Variants in RABGAP1L observed in about 807,000 individuals in gnomAD.
The protein encoded by RABGAP1L is rab GTPase-activating protein 1-like.
RABGAP1L carries 63 observed loss-of-function variants against 137.7 expected under a neutral mutation model. That is an observed-to-expected ratio of 0.46 (90% CI 0.37 to 0.56). The LOEUF is 0.56. Ranked by LOEUF, RABGAP1L falls within the 20% of genes least tolerant of loss-of-function variation. The pLI, the probability that RABGAP1L is intolerant of heterozygous loss-of-function variation, is 0.00. For synonymous variants in RABGAP1L, 431 were observed against 433.7 expected (o/e 0.99, Z 0.08); for missense variants, 1,095 against 1,244.0 (o/e 0.88, Z 1.80).
chr1:174,272,770 C>T (rs1259500248), intron 8 of RABGAP1L, among the ~76,000 whole-genome samples: 1 of 151,920 alleles, frequency 6.6e-6, no homozygotes, highest in Non-Finnish European at 1.5e-5. Context: ...CCTGTAGTAA[C>T]AAGTACATGA....
intron 13 of RABGAP1L, among the ~76,000 whole-genome samples, chr1:174,446,367 G>A (rs1654767255): frequency 6.6e-6 from 1 of 152,176 alleles, no homozygotes; most frequent in Non-Finnish European, 1.5e-5. Context: ...TGACTTGGTG[G>A]TGCACCAGAA....
In RABGAP1L at chr1:174,993,273, G is replaced by GT. The variant is rs775794408; in HGVS notation, c.*3273dup. 6.6e-6 allele frequency: 1 copy of GT among 152,174 alleles called. No individual in the cohort carries two copies. The highest frequency in any genetic ancestry group is 1.5e-5 in the Non-Finnish European group (1 of 68,032). The allele number at this position is 152,174 out of a possible 1,614,324, so 9.4% of individuals were successfully genotyped here. A position where few individuals can be genotyped will look rare whatever the true frequency, so the allele number is the denominator to read the frequency against. ...CACTAATAGGAATGCCATTCAACCA[G>GT]TGTCTTCTGCCCCTCTCCCAGCTGT... On this transcript the variant is annotated 3_prime_UTR_variant, in exon 26 of 26. Coordinates refer to ENST00000681986, the MANE Select transcript of RABGAP1L (RefSeq NM_001366446.1).
chr1:174,901,618 G>A (rs1658152237), intron 19 of RABGAP1L, among the ~76,000 whole-genome samples: 1 of 152,124 alleles, frequency 6.6e-6, no homozygotes. Context: ...GTTACAACAT[G>A]CTCCTTTAGC....
chr1:174,383,614 T>C (rs1686427312), intron 12 of RABGAP1L, among the ~76,000 whole-genome samples: 1 of 152,146 alleles, frequency 6.6e-6, no homozygotes, highest in Admixed American at 6.5e-5. Flanking sequence ...CCCTTGCGCT[T>C]CCCAAGTGAG....
chr1:174,907,139 A>C (rs993264741), intron 19 of RABGAP1L, among the ~76,000 whole-genome samples: 4 of 152,212 alleles, frequency 2.6e-5, no homozygotes, highest in Non-Finnish European at 5.9e-5. Flanking sequence ...GATAAACCCA[A>C]AATACTCTGT....
chr1:174,172,176 TTGTGTGTGTGTGTGTGTG>T (rs34345014), intron 1 of RABGAP1L, among the ~76,000 whole-genome samples: 6 of 123,610 alleles, frequency 4.9e-5, no homozygotes, highest in East Asian at 5.1e-4. Flanking sequence ...TAATATTCCC[TTGTGTGTGTGTGTGTGTG>T]TGTGTGTGTG....
At chr1:174,422,403 C>T (rs1651423554) in intron 13 of RABGAP1L, among the ~76,000 whole-genome samples, 1 of 151,640 alleles carries the variant, frequency 6.6e-6, no homozygotes, top group South Asian at 2.1e-4. Context: ...CGACCAACTT[C>T]CAAAAACAGT....
chr1:174,437,104 C>T (rs933995008), intron 13 of RABGAP1L, among the ~76,000 whole-genome samples: 9 of 152,120 alleles, frequency 5.9e-5, no homozygotes, highest in African/African-American at 1.9e-4. Context: ...GTAGATAAAA[C>T]CACAAAGATG....
At position 174,557,412 on chromosome 1, in the gene RABGAP1L, C is replaced by A. The variant is rs115435448; in HGVS notation, c.1711-79963C>A. 1.4e-3 allele frequency among the ~76,000 whole-genome samples: 220 copies of A among 152,308 alleles called. 1 individual carries two copies. The highest frequency in any genetic ancestry group is 4.1e-3 in the South Asian group (20 of 4,826). ...TGAACCAGTGATAGGCTATATACCA[C>A]CAGAGTATCCTCCAGAAATTCTTCT... is the stretch of plus-strand genomic sequence containing the variant. On this transcript the variant is annotated intron_variant, in intron 13 of 25. Transcript: ENST00000681986.
chr1:174,325,145 C>T (rs1035375002), intron 11 of RABGAP1L, among the ~76,000 whole-genome samples: 12 of 152,210 alleles, frequency 7.9e-5, no homozygotes, highest in African/African-American at 2.9e-4. Flanking sequence ...CCATCCTGCA[C>T]TTAACCATAC....
At chr1:174,788,282 A>C (rs1467350866) in intron 18 of RABGAP1L, among the ~76,000 whole-genome samples, 1 of 152,172 alleles carries the variant, frequency 6.6e-6, no homozygotes, top group Non-Finnish European at 1.5e-5. Context: ...ATTTATCAGG[A>C]GGCATTCTGC....
At chr1:174,616,240 G>A (rs1671846986) in intron 13 of RABGAP1L, among the ~76,000 whole-genome samples, 1 of 151,968 alleles carries the variant, frequency 6.6e-6, no homozygotes, top group Admixed American at 6.6e-5. Context: ...TTGGTATGCG[G>A]TTTGCTGTGA....
rs554826161 is a variant in RABGAP1L, at chr1:174,342,771, G to T, written c.1466-28208G>T. ...TTTTTTTTTTTTGAGATGGAGTCTT[G>T]CTTGTTGCCCAGGCTGGAGTGCAGT... On this transcript the variant is annotated intron_variant, in intron 11 of 25. Transcript: ENST00000681986. 2.8e-4 allele frequency among the ~76,000 whole-genome samples: 40 copies of T among 142,062 alleles called. No homozygotes were observed. The East Asian group carries it at 7.4e-3, about 26-fold the overall frequency. The allele number at this position is 142,062 out of a possible 152,430, so 93.2% of individuals were successfully genotyped here. A position where few individuals can be genotyped will look rare whatever the true frequency, so the allele number is the denominator to read the frequency against.
chr1:174,394,208 C>G, intron 13 of RABGAP1L, 63 bp downstream of exon 13: 1 of 1,553,778 alleles, frequency 6.4e-7, no homozygotes, highest in Admixed American at 1.8e-5. Context: ...TCCTAGTTTT[C>G]ATAGCTCCCA....
chr1:174,556,999 A>G (rs926627161), intron 13 of RABGAP1L, among the ~76,000 whole-genome samples: 3 of 152,174 alleles, frequency 2.0e-5, no homozygotes, highest in Admixed American at 6.5e-5. Context: ...TCTCATCTAT[A>G]TATACTCTTG....
chr1:174,913,252 A>G (rs1384980385), intron 19 of RABGAP1L, among the ~76,000 whole-genome samples: 1 of 152,204 alleles, frequency 6.6e-6, no homozygotes, highest in Non-Finnish European at 1.5e-5. Flanking sequence ...CTAGGATTAC[A>G]GGTGTGAGCC....
intron 13 of RABGAP1L, among the ~76,000 whole-genome samples, chr1:174,554,908 C>CT (rs1274059576): frequency 1.3e-5 from 2 of 152,200 alleles, no homozygotes; most frequent in East Asian, 3.9e-4. Context: ...ATTTCCTAAT[C>CT]TTTTTTGCAT....
chr1:174,350,023 C>T (rs1682962797), intron 11 of RABGAP1L, among the ~76,000 whole-genome samples: 1 of 121,640 alleles, frequency 8.2e-6, no homozygotes, highest in African/African-American at 3.1e-5. Context: ...CCTCACTTCC[C>T]AGTAGGGGCG....
At chr1:174,420,262 C>CA (rs1450403190) in intron 13 of RABGAP1L, among the ~76,000 whole-genome samples, 3 of 145,944 alleles carry the variant, frequency 2.1e-5, no homozygotes, top group African/African-American at 7.7e-5. Context: ...GGTATTGTGA[C>CA]AAACAGCTCT....
Sources: allele counts gnomAD v4.1 joint callset (sites outside exome capture counted in the v4.1 genomes callset), GRCh38; gene constraint gnomAD v4.1.1; transcripts MANE v1.5; gene names NCBI Gene and HGNC (gene_info 2026-07-23, HGNC 2026-07-21).